Variants in WWP1 observed in about 807,000 individuals in gnomAD.
WWP1 encodes NEDD4-like E3 ubiquitin-protein ligase WWP1.
Under a neutral mutation model 130.6 loss-of-function variants are expected in WWP1, and 49 were observed. The observed-to-expected ratio is 0.38, with a 90% CI of 0.30 to 0.48. The LOEUF is 0.48. Ranked by LOEUF, WWP1 falls within the 20% of genes least tolerant of loss-of-function variation. The pLI, the probability that WWP1 is intolerant of heterozygous loss-of-function variation, is 0.99. For missense variants in WWP1, 809 were observed against 1,100.6 expected (o/e 0.74, Z 3.75); for synonymous variants, 332 against 367.8 (o/e 0.90, Z 1.11).
rs761329592 is a variant in WWP1, at chr8:86,426,878, G to C, written c.1158-765G>C. Among the ~76,000 whole-genome samples, 77 of 152,336 alleles carry C rather than the reference G, an allele frequency of 5.1e-4. No individual in the cohort carries two copies. In the Middle Eastern group the frequency reaches 0.014, roughly 27 times the overall value. On this transcript the variant is annotated intron_variant, in intron 10 of 24. Coordinates refer to ENST00000517970, the MANE Select transcript of WWP1 (RefSeq NM_007013.4). ...ATGCTTATCAAAGAAAGAAGGAGAG[G>C]CCGGGCATGGTGGCTCATGCCTGTA...
At chr8:86,441,872 G>C (rs906391704) in intron 17 of WWP1, among the ~76,000 whole-genome samples, 5 of 152,182 alleles carry the variant, frequency 3.3e-5, no homozygotes, top group Non-Finnish European at 5.9e-5. Flanking sequence ...TTCTTTAGAA[G>C]AAATTGCTAT....
intron 9 of WWP1, among the ~76,000 whole-genome samples, chr8:86,415,004 A>G (rs1041272500): frequency 2.1e-4 from 31 of 148,334 alleles, no homozygotes; most frequent in African/African-American, 7.2e-4. Context: ...AGTGTTCTGT[A>G]TTTTGTAGGG....
In WWP1 at chr8:86,367,028, A is replaced by G. The variant is rs542925561; in HGVS notation, c.-114-1911A>G. Among the ~76,000 whole-genome samples, 4 of 152,310 alleles carry G rather than the reference A, an allele frequency of 2.6e-5. No individual in the cohort carries two copies. The South Asian group carries it at 8.3e-4, about 32-fold the overall frequency. On this transcript the variant is annotated intron_variant, in intron 1 of 24. Transcript: ENST00000517970. Reference sequence around the variant, plus strand: ...ATCCATTTTTATCTTTGCCACATTCATTGAGTTTTAAATTTGGTGCTTGAT... The same window carrying G: ...ATCCATTTTTATCTTTGCCACATTCGTTGAGTTTTAAATTTGGTGCTTGAT...
At chr8:86,433,561 A>G (rs1265173284) in intron 14 of WWP1, among the ~76,000 whole-genome samples, 1 of 151,490 alleles carries the variant, frequency 6.6e-6, no homozygotes, top group Non-Finnish European at 1.5e-5. Flanking sequence ...AAAAAAAAAA[A>G]TTATAACAAC....
chr8:86,373,673 T>C (rs1332345993), intron 2 of WWP1, among the ~76,000 whole-genome samples: 1 of 152,184 alleles, frequency 6.6e-6, no homozygotes, highest in African/African-American at 2.4e-5. Flanking sequence ...GGTACTTTCC[T>C]AAAACATACG....
At chr8:86,440,449 A>T (rs988617034) in intron 17 of WWP1, among the ~76,000 whole-genome samples, 1 of 152,142 alleles carries the variant, frequency 6.6e-6, no homozygotes, top group African/African-American at 2.4e-5. Context: ...AATTTCTCGC[A>T]CACTTGTTTT....
intron 24 of WWP1, among the ~76,000 whole-genome samples, chr8:86,464,716 G>A (rs1811948408): frequency 1.3e-5 from 2 of 152,070 alleles, no homozygotes; most frequent in South Asian, 4.1e-4. Context: ...AAGTTTTGCT[G>A]TGTTGTCCCA....
intron 1 of WWP1, among the ~76,000 whole-genome samples, chr8:86,346,857 GT>G (rs941200849): frequency 3.9e-5 from 6 of 152,052 alleles, no homozygotes; most frequent in African/African-American, 1.4e-4. Context: ...GAATTTTATT[GT>G]TTTTGCTGGC....
rs1422650229 is a variant in WWP1, at chr8:86,402,223, A to G, written c.724+20A>G. On this transcript the variant is annotated intron_variant, in intron 8 of 24. Transcript: ENST00000517970. ...ACACTGGTAAGCAAGGCTATTTATG[A>G]CACCTTGTTTAAAGGAAAAGTAAAT... is the stretch of plus-strand genomic sequence containing the variant. 8.1e-6 allele frequency: 13 copies of G among 1,608,424 alleles called. No homozygotes were observed. In the Middle Eastern group the frequency reaches 6.6e-4, roughly 82 times the overall value.
chr8:86,405,789 C>T (rs1002939753), intron 8 of WWP1, among the ~76,000 whole-genome samples: 1 of 152,144 alleles, frequency 6.6e-6, no homozygotes, highest in African/African-American at 2.4e-5. Flanking sequence ...ACCTCAGCTT[C>T]CCAAATTGTT....
At chr8:86,444,704 A>C (rs1455708118) in intron 18 of WWP1, among the ~76,000 whole-genome samples, 1 of 152,184 alleles carries the variant, frequency 6.6e-6, no homozygotes, top group Non-Finnish European at 1.5e-5. Context: ...AAAGTTATTC[A>C]TGAGTGGTAG....
intron 16 of WWP1, among the ~76,000 whole-genome samples, chr8:86,436,627 T>C (rs1810301602): frequency 6.6e-6 from 1 of 152,232 alleles, no homozygotes; most frequent in Non-Finnish European, 1.5e-5. Context: ...TCAATAAATA[T>C]TTGATGAACA....
intron 22 of WWP1, among the ~76,000 whole-genome samples, chr8:86,459,023 C>CTTTTTTT (rs71275853): frequency 0.02 from 1,696 of 84,218 alleles, no homozygotes; most frequent in East Asian, 0.03. Flanking sequence ...TTTCTTTTTT[C>CTTTTTTT]TTTTTTTTTT....
At chr8:86,412,798 T>G (rs1235193738) in intron 9 of WWP1, among the ~76,000 whole-genome samples, 2 of 152,070 alleles carry the variant, frequency 1.3e-5, no homozygotes, top group Non-Finnish European at 2.9e-5. Flanking sequence ...TGGTCTTCCT[T>G]TGTGTGCTTA....
intron 9 of WWP1, among the ~76,000 whole-genome samples, chr8:86,423,819 C>G (rs879885135): frequency 1.3e-4 from 19 of 149,662 alleles, no homozygotes; most frequent in East Asian, 1.0e-3. Flanking sequence ...GCGCCCCCCC[C>G]CCACCTCCCG....
chr8:86,354,482 A>T (rs1284050831), intron 1 of WWP1, among the ~76,000 whole-genome samples: 1 of 151,926 alleles, frequency 6.6e-6, no homozygotes, highest in Non-Finnish European at 1.5e-5. Context: ...TGGATAAAGG[A>T]TTGTGTCCCT....
chr8:86,424,877 G>T (rs1343662284), intron 9 of WWP1, among the ~76,000 whole-genome samples: 1 of 142,910 alleles, frequency 7.0e-6, no homozygotes, highest in Non-Finnish European at 1.5e-5. Flanking sequence ...GAGGGGAGAG[G>T]GAGAGGTTTC....
At chr8:86,368,246 G>A (rs1824087207) in intron 1 of WWP1, among the ~76,000 whole-genome samples, 1 of 152,052 alleles carries the variant, frequency 6.6e-6, no homozygotes, top group Non-Finnish European at 1.5e-5. Context: ...CTATTCTACT[G>A]CTACAGGAAA....
At position 86,411,746 on chromosome 8, in the gene WWP1, A is replaced by G. The variant is rs1439774671; in HGVS notation, c.933A>G (p.Leu311=). The change falls in exon 9 of 25, where the codon TTA becomes TTG. Residue 311 remains leucine, a synonymous_variant. Transcript: ENST00000517970. ...AELESEARSI[L]EPDTSNSRSS... ...TGGAATCTGAAGCTAGAAGTATATT[A>G]GAGCCTGACACCTCTAATTCTAGAA... 4 of 1,614,230 alleles carry G rather than the reference A, an allele frequency of 2.5e-6. No homozygotes were observed. The highest frequency in any genetic ancestry group is 3.4e-6 in the Non-Finnish European group (4 of 1,180,036).
Sources: gnomAD v4.1 joint callset for allele counts (sites outside exome capture counted in the v4.1 genomes callset) on GRCh38, gnomAD v4.1.1 for gene constraint, MANE v1.5 for transcripts, NCBI Gene and HGNC (gene_info 2026-07-23, HGNC 2026-07-21) for gene names.